PNPLA1: variants seen among roughly 807,000 people sequenced by gnomAD.
PNPLA1 encodes patatin like domain 1, omega-hydroxyceramide transacylase.
A neutral mutation model predicts 51.7 loss-of-function variants in PNPLA1; 36 were observed. The observed-to-expected ratio is 0.70, with a 90% confidence interval of 0.53 to 0.92. The LOEUF (loss-of-function observed/expected upper bound fraction) is 0.92. Among genes scored for constraint, PNPLA1 ranks in the 40% least tolerant of loss-of-function variants. PNPLA1 has a pLI of 0.00. For missense variants in PNPLA1, 658 were observed against 682.5 expected (o/e 0.96, Z 0.40); for synonymous variants, 293 against 280.1 (o/e 1.05, Z -0.46).
At position 36,295,416 on chromosome 6, in the gene PNPLA1, G is replaced by T. The variant is rs762626920; in HGVS notation, c.767G>T (p.Arg256Met). The T allele has an allele frequency of 6.2e-7, 1 of 1,614,200 alleles. No individual in the cohort carries two copies. The highest frequency in any genetic ancestry group is 1.1e-5 in the South Asian group (1 of 91,078). Residue 256 changes from arginine to methionine, a missense_variant, in exon 5 of 9, where the codon AGG becomes ATG. Arg to Met is a moderately conservative substitution (Grantham distance 91, BLOSUM62 -1). Transcript: ENST00000636260. The stretch of plus-strand genomic sequence containing the variant: ...TACGAGGATGCAGTTTTGTACTTGA[G>T]GCGGCTGAGTAAGTACCGGTGGGGC... ...RGYEDAVLYL[R>M]RLNAVYLNSS...
At chr6:36,288,165 G>A (rs1345036294) in intron 1 of PNPLA1, among the ~76,000 whole-genome samples, 1 of 152,102 alleles carries the variant, frequency 6.6e-6, no homozygotes, top group Non-Finnish European at 1.5e-5. Context: ...TTATCCTAAG[G>A]AAAATAAGTA....
chr6:36,299,315 T>G (rs1169960385), intron 5 of PNPLA1, among the ~76,000 whole-genome samples: 2 of 118,214 alleles, frequency 1.7e-5, no homozygotes, highest in African/African-American at 3.2e-5. Flanking sequence ...ACTTTTGGGG[T>G]TTTTTTTGTT....
intron 5 of PNPLA1, among the ~76,000 whole-genome samples, chr6:36,300,176 T>A (rs58307891): frequency 0.044 from 3,131 of 71,662 alleles, 120 homozygotes; most frequent in African/African-American, 0.11. Flanking sequence ...TGTGTGTGTG[T>A]GTGAGAGAGA....
chr6:36,274,558 TTG>T (rs1770034064), intron 1 of PNPLA1, among the ~76,000 whole-genome samples: 1 of 152,190 alleles, frequency 6.6e-6, no homozygotes, highest in Non-Finnish European at 1.5e-5. Context: ...CCATCCTTGT[TTG>T]TGTCTCCCAT....
chr6:36,245,896 C>T (rs1195754363), intron 1 of PNPLA1, among the ~76,000 whole-genome samples: 1 of 152,194 alleles, frequency 6.6e-6, no homozygotes, highest in Non-Finnish European at 1.5e-5. Context: ...TGCCTCCCAG[C>T]GGCTGCTGAA....
At chr6:36,244,335 A>G (rs532449382) in intron 1 of PNPLA1, among the ~76,000 whole-genome samples, 5 of 152,088 alleles carry the variant, frequency 3.3e-5, no homozygotes, top group Non-Finnish European at 7.4e-5. Flanking sequence ...TATATTCCAT[A>G]GATATTCTTC....
At position 36,313,103 on chromosome 6, in the gene PNPLA1, C is replaced by T. The variant is rs1051986027; in HGVS notation, c.*1217C>T. 9.2e-5 allele frequency among the ~76,000 whole-genome samples: 14 copies of T among 152,126 alleles called. No homozygotes were observed. Among genetic ancestry groups the T allele is most frequent in the African/African-American group, 3.4e-4 (14 of 41,432 alleles). On this transcript the variant is annotated 3_prime_UTR_variant, in exon 9 of 9. Transcript: ENST00000636260. ...GGCATTGAGATCTTTAGAGCTCCCC[C>T]GGGATTATGTGGTGCTGTGGTGTTG...
In PNPLA1 at chr6:36,302,412, C is replaced by G; in HGVS notation, c.1327C>G (p.Leu443Val). ...ACCTCAAACACTGCCCCGAAGTTCT[C>G]TTTCAGCCTTCCCTGCTCAGCCACC... ...GAPQTLPRSS[L>V]SAFPAQPPVE... The change falls in exon 6 of 9, where the codon CTT (leucine) becomes GTT (valine). Residue 443 changes from leucine (L) to valine (V), a missense_variant. Transcript: ENST00000636260. 6.3e-7 allele frequency: 1 copy of G among 1,575,870 alleles called. No homozygotes were observed. The highest frequency in any genetic ancestry group is 8.6e-7 in the Non-Finnish European group (1 of 1,159,480).
In PNPLA1 at chr6:36,300,010, C is replaced by T. The variant is rs143403185; in HGVS notation, c.776-1851C>T. Among the ~76,000 whole-genome samples, 38 of 151,844 alleles carry T rather than the reference C, an allele frequency of 2.5e-4. 1 individual carries two copies. In the East Asian group the frequency reaches 7.3e-3, roughly 29 times the overall value. ...TGAACCAATCTTGACATATTATTAA[C>T]TAAGAGCCATTGCTTATTCAGATTT... On this transcript the variant is annotated intron_variant, in intron 5 of 8. Coordinates refer to ENST00000636260, the MANE Select transcript of PNPLA1 (RefSeq NM_001374623.1).
chr6:36,295,153 C>CGAAGCCGCACTCGTAAGGGGTGG (rs1209113241), intron 4 of PNPLA1, among the ~76,000 whole-genome samples: 1 of 152,220 alleles, frequency 6.6e-6, no homozygotes, highest in Non-Finnish European at 1.5e-5. Context: ...TGGTGTAACT[C>CGAAGCCGCACTCGTAAGGGGTGG]ATGAACGGAG....
intron 5 of PNPLA1, among the ~76,000 whole-genome samples, chr6:36,299,046 C>G (rs993343867): frequency 1.3e-5 from 2 of 151,914 alleles, no homozygotes; most frequent in Non-Finnish European, 2.9e-5. Context: ...CGATTTTCTT[C>G]CTTTTTAGAG....
At chr6:36,248,070 C>G (rs1769337147) in intron 1 of PNPLA1, among the ~76,000 whole-genome samples, 1 of 152,146 alleles carries the variant, frequency 6.6e-6, no homozygotes, top group Admixed American at 6.5e-5. Flanking sequence ...TGTACCATGC[C>G]CTCTCTCTGT....
At chr6:36,262,451 C>T (rs1358835863) in intron 1 of PNPLA1, among the ~76,000 whole-genome samples, 1 of 152,156 alleles carries the variant, frequency 6.6e-6, no homozygotes, top group East Asian at 1.9e-4. Context: ...ATTCCAAATG[C>T]CAAAACAAAT....
chr6:36,292,483 G>A (rs971026443), intron 2 of PNPLA1, among the ~76,000 whole-genome samples: 17 of 151,974 alleles, frequency 1.1e-4, no homozygotes, highest in East Asian at 3.9e-4. Flanking sequence ...TGCACCTGCC[G>A]CTCCCTCTGC....
chr6:36,269,394 C>T (rs1238843371), upstream of PNPLA1, among the ~76,000 whole-genome samples: 4 of 152,214 alleles, frequency 2.6e-5, no homozygotes, highest in Admixed American at 2.6e-4. Context: ...GGAGCTAACC[C>T]TGGTCCTCTC....
chr6:36,288,384 T>C lies in PNPLA1; in HGVS notation c.206-2936T>C, dbSNP rs534177527. ...ATCCCAGCACTTTGGGAGACCAAAG[T>C]GGGAGGATTGCTTGAGACCAGGGGT... is the stretch of plus-strand genomic sequence containing the variant. On this transcript the variant is annotated intron_variant, in intron 1 of 8. Coordinates refer to ENST00000636260, the MANE Select transcript of PNPLA1 (RefSeq NM_001374623.1). Among the ~76,000 whole-genome samples the C allele has an allele frequency of 5.3e-3, 800 of 151,366 alleles. 5 individuals are homozygous for C. Among genetic ancestry groups the C allele is most frequent in the Non-Finnish European group, 9.4e-3 (639 of 67,852 alleles).
chr6:36,297,489 C>A (rs556817405), intron 5 of PNPLA1, among the ~76,000 whole-genome samples: 21 of 152,106 alleles, frequency 1.4e-4, no homozygotes, highest in Non-Finnish European at 2.2e-4. Context: ...TAGGGGTCAC[C>A]TCCAGCAGGA....
intron 6 of PNPLA1, among the ~76,000 whole-genome samples, chr6:36,305,448 C>G (rs1372686571): frequency 6.6e-6 from 1 of 152,138 alleles, no homozygotes; most frequent in Non-Finnish European, 1.5e-5. Flanking sequence ...GGACATACAA[C>G]AAGTCTCTAA....
intron 5 of PNPLA1, among the ~76,000 whole-genome samples, chr6:36,296,046 C>T (rs186293164): frequency 4.8e-4 from 73 of 152,326 alleles, no homozygotes; most frequent in Non-Finnish European, 7.8e-4. Flanking sequence ...TGTGGTGGCT[C>T]ATGCCTGTAA....
Sources: allele counts gnomAD v4.1 joint callset (sites outside exome capture counted in the v4.1 genomes callset), GRCh38; gene constraint gnomAD v4.1.1; transcripts MANE v1.5; gene names NCBI Gene and HGNC (gene_info 2026-07-23, HGNC 2026-07-21).